The following SPAG16 variants were observed in gnomAD, a reference collection of about 807,000 sequenced individuals.
The protein encoded by SPAG16 is sperm associated antigen 16.
In SPAG16, 86 loss-of-function variants were observed where a neutral mutation model predicts 80.4. The observed-to-expected ratio is 1.07, with a 90% CI of 0.90 to 1.28. The LOEUF (loss-of-function observed/expected upper bound fraction) is 1.28, where lower values mean the gene tolerates loss of function less well. Ranked by LOEUF, SPAG16 falls within the 50% of genes most tolerant of loss-of-function variation. The pLI, the probability that SPAG16 is intolerant of heterozygous loss-of-function variation, is 0.00. For synonymous variants in SPAG16, 294 were observed against 265.9 expected, an observed-to-expected ratio of 1.11 and a Z score of -1.03; for missense variants, 870 against 765.3, an observed-to-expected ratio of 1.14 and a Z score of -1.61.
chr2:214,008,706 C>G (rs1256018157), intron 12 of SPAG16, among the ~76,000 whole-genome samples: 1 of 150,532 alleles, frequency 6.6e-6, no homozygotes, highest in South Asian at 2.1e-4. Flanking sequence ...GATCGTGCCA[C>G]TGCACTCCAG....
chr2:214,290,336 T>C (rs1472391200), intron 15 of SPAG16, among the ~76,000 whole-genome samples: 1 of 152,136 alleles, frequency 6.6e-6, no homozygotes, highest in African/African-American at 2.4e-5. Context: ...AATTTTGTTT[T>C]GTTTTGTTGA....
At chr2:213,365,013 C>T (rs1238167092) in intron 8 of SPAG16, 1 of 152,130 alleles carries the variant, frequency 6.6e-6, no homozygotes, top group East Asian at 1.9e-4. Context: ...GTTATAGGGC[C>T]TTGAGAAACA....
intron 10 of SPAG16, among the ~76,000 whole-genome samples, chr2:213,774,090 G>A (rs1419961770): frequency 2.0e-5 from 3 of 151,832 alleles, no homozygotes; most frequent in Non-Finnish European, 4.4e-5. Flanking sequence ...ATTTATCATA[G>A]CTATTTTGAT....
intron 11 of SPAG16, among the ~76,000 whole-genome samples, chr2:213,886,182 A>G (rs1447504824): frequency 6.6e-6 from 1 of 152,168 alleles, no homozygotes; most frequent in Non-Finnish European, 1.5e-5. Flanking sequence ...CTACAGTCAA[A>G]CAAGGTAGGT....
intron 15 of SPAG16, among the ~76,000 whole-genome samples, chr2:214,208,573 A>C (rs1240916430): frequency 6.6e-6 from 1 of 152,194 alleles, no homozygotes; most frequent in African/African-American, 2.4e-5. Context: ...AATAGTTAAA[A>C]GCATTGGCTC....
At chr2:214,250,749 T>TAG (rs377538514) in intron 15 of SPAG16, among the ~76,000 whole-genome samples, 1,261 of 92,618 alleles carry the variant, frequency 0.014, 12 homozygotes, top group South Asian at 0.04. Flanking sequence ...TATATATATA[T>TAG]ATATATATAG....
chr2:213,366,428 AAG>A (rs1204779135), intron 8 of SPAG16, among the ~76,000 whole-genome samples: 2 of 152,178 alleles, frequency 1.3e-5, no homozygotes, highest in African/African-American at 4.8e-5. Context: ...GAAAAAGAAA[AAG>A]AGGTATAATG....
intron 9 of SPAG16, among the ~76,000 whole-genome samples, chr2:213,426,900 G>T (rs1287280465): frequency 6.8e-6 from 1 of 147,968 alleles, no homozygotes; most frequent in East Asian, 2.0e-4. Context: ...CACTCTATAG[G>T]ATCCTTTATT....
At chr2:213,825,879 C>T (rs2073261673) in intron 10 of SPAG16, among the ~76,000 whole-genome samples, 1 of 151,754 alleles carries the variant, frequency 6.6e-6, no homozygotes, top group Non-Finnish European at 1.5e-5. Flanking sequence ...GTGAAGCCAT[C>T]AGTTCCTGGC....
intron 10 of SPAG16, among the ~76,000 whole-genome samples, chr2:213,643,718 G>A (rs1247312002): frequency 7.9e-6 from 1 of 125,888 alleles, no homozygotes; most frequent in Non-Finnish European, 1.7e-5. Flanking sequence ...TATCTTTTGT[G>A]TCTTACGATT....
rs369439075 is a variant in SPAG16 at position 214,373,242 on chromosome 2, T to C, written c.1721-36898T>C. Among the ~76,000 whole-genome samples, 9 of 152,314 alleles carry C rather than the reference T, an allele frequency of 5.9e-5. No individual in the cohort carries two copies. In the East Asian group the frequency reaches 1.4e-3, roughly 23 times the overall value. On this transcript the variant is annotated intron_variant, in intron 15 of 15. Transcript: ENST00000331683. ...TATAATATCTTTAATAAAATGTCAC[T>C]TTCTAACAACCAACAGATACAAAGA...
At chr2:213,454,818 G>C (rs1478312278) in intron 9 of SPAG16, among the ~76,000 whole-genome samples, 1 of 152,094 alleles carries the variant, frequency 6.6e-6, no homozygotes, top group Non-Finnish European at 1.5e-5. Context: ...AAAAAGGAGT[G>C]GTCAGTTTAC....
At chr2:214,215,044 A>G (rs1472431572) in intron 15 of SPAG16, among the ~76,000 whole-genome samples, 1 of 152,046 alleles carries the variant, frequency 6.6e-6, no homozygotes, top group Non-Finnish European at 1.5e-5. Flanking sequence ...GTTAGTGATG[A>G]CAATATTAAA....
At chr2:213,743,578 C>T (rs2067681947) in intron 10 of SPAG16, among the ~76,000 whole-genome samples, 2 of 152,180 alleles carry the variant, frequency 1.3e-5, no homozygotes, top group Non-Finnish European at 2.9e-5. Context: ...AATTCTCTGA[C>T]ACCTGACTTC....
At chr2:214,259,412 T>A (rs1690954390) in intron 15 of SPAG16, among the ~76,000 whole-genome samples, 1 of 150,266 alleles carries the variant, frequency 6.7e-6, no homozygotes, top group South Asian at 2.1e-4. Flanking sequence ...TAATTATATA[T>A]GTATATATGT....
chr2:214,097,875 C>T (rs149656075), intron 13 of SPAG16, among the ~76,000 whole-genome samples: 1 of 151,928 alleles, frequency 6.6e-6, no homozygotes, highest in African/African-American at 2.4e-5. Flanking sequence ...GCAATCAAAG[C>T]ACTTTACACC....
At chr2:213,625,230 T>C (rs758559392) in intron 10 of SPAG16, among the ~76,000 whole-genome samples, 2 of 152,150 alleles carry the variant, frequency 1.3e-5, no homozygotes, top group Non-Finnish European at 2.9e-5. Flanking sequence ...AGCTCACAGT[T>C]CTGTGAGCTA....
intron 10 of SPAG16, among the ~76,000 whole-genome samples, chr2:213,845,558 G>A (rs13004604): frequency 0.25 from 38,047 of 151,998 alleles, 5,237 homozygotes; most frequent in Middle Eastern, 0.37. Flanking sequence ...TGTACACGAA[G>A]AATTTCTTCT....
intron 11 of SPAG16, among the ~76,000 whole-genome samples, chr2:213,869,247 C>T (rs1350738761): frequency 3.9e-5 from 1 of 25,820 alleles, no homozygotes; most frequent in African/African-American, 8.3e-5. Flanking sequence ...GAGCTAAAGT[C>T]CATGTCAAAA....
Sources: allele counts gnomAD v4.1 joint callset (sites outside exome capture counted in the v4.1 genomes callset), GRCh38; gene constraint gnomAD v4.1.1; transcripts MANE v1.5; gene names NCBI Gene and HGNC (gene_info 2026-07-23, HGNC 2026-07-21).